The following SMOC2 variants were observed in gnomAD, a reference collection of about 807,000 sequenced individuals.
The protein encoded by SMOC2 is SPARC related modular calcium binding 2.
SMOC2 carries 39 observed loss-of-function variants against 61.4 expected under a neutral mutation model. That is an observed-to-expected ratio of 0.64 (90% confidence interval 0.49 to 0.83). The LOEUF (loss-of-function observed/expected upper bound fraction) is 0.83, where lower values mean the gene tolerates loss of function less well. Ranked by LOEUF, SMOC2 falls within the 40% of genes least tolerant of loss-of-function variation. SMOC2 has a pLI of 0.00. For synonymous variants in SMOC2, 247 were observed against 239.9 expected (o/e 1.03, Z -0.27); for missense variants, 556 against 592.9 (o/e 0.94, Z 0.65).
chr6:168,639,760 C>T (rs1235890674), intron 9 of SMOC2, among the ~76,000 whole-genome samples: 1 of 152,174 alleles, frequency 6.6e-6, no homozygotes, highest in East Asian at 1.9e-4. Context: ...CATAGGAAAG[C>T]GTTTCTCAGA....
intron 8 of SMOC2, among the ~76,000 whole-genome samples, chr6:168,599,307 ACAC>A (rs1290793635): frequency 8.1e-6 from 1 of 124,072 alleles, no homozygotes; most frequent in African/African-American, 3.2e-5. Flanking sequence ...TACCACACAC[ACAC>A]CCCCACACTG....
At chr6:168,551,870 A>AC (rs1784137569) in intron 7 of SMOC2, among the ~76,000 whole-genome samples, 1 of 152,214 alleles carries the variant, frequency 6.6e-6, no homozygotes, top group African/African-American at 2.4e-5. Flanking sequence ...CTCACTTGCC[A>AC]CTTGCAGATT....
At chr6:168,509,199 G>A (rs1782949401) in intron 1 of SMOC2, among the ~76,000 whole-genome samples, 1 of 152,200 alleles carries the variant, frequency 6.6e-6, no homozygotes, top group African/African-American at 2.4e-5. Context: ...GGGAGATGAA[G>A]GGCCTGGGGC....
intron 1 of SMOC2, among the ~76,000 whole-genome samples, chr6:168,502,818 G>A (rs1035471218): frequency 4.6e-5 from 7 of 151,962 alleles, no homozygotes; most frequent in African/African-American, 1.7e-4. Flanking sequence ...CCAGGCTGGA[G>A]TGCAGTGGCA....
chr6:168,642,364 G>A (rs1459330499), intron 9 of SMOC2, among the ~76,000 whole-genome samples: 1 of 152,234 alleles, frequency 6.6e-6, no homozygotes, highest in East Asian at 1.9e-4. Flanking sequence ...TCGGTGACTG[G>A]CACAAGTGTA....
At chr6:168,609,021 G>C (rs1487570471) in intron 9 of SMOC2, among the ~76,000 whole-genome samples, 2 of 152,188 alleles carry the variant, frequency 1.3e-5, no homozygotes, top group African/African-American at 4.8e-5. Context: ...TGGTAGAAAG[G>C]TTTTAAATTG....
intron 1 of SMOC2, among the ~76,000 whole-genome samples, chr6:168,491,529 T>G (rs1246618731): frequency 6.6e-6 from 1 of 152,184 alleles, no homozygotes; most frequent in Non-Finnish European, 1.5e-5. Flanking sequence ...TCAATTCAGC[T>G]GTAAGATCCT....
chr6:168,445,018 C>T (rs1176662848), intron 1 of SMOC2, among the ~76,000 whole-genome samples: 1 of 152,142 alleles, frequency 6.6e-6, no homozygotes, highest in Non-Finnish European at 1.5e-5. Context: ...CTCTTACTGC[C>T]AATACCTAAC....
At chr6:168,666,343 A>G in intron 12 of SMOC2, 78 bp from the exon 13 acceptor site, 1 of 1,576,456 alleles carries the variant, frequency 6.3e-7, no homozygotes, top group Non-Finnish European at 8.7e-7. Context: ...TCATTCCCAG[A>G]AGCCAAGCCT....
chr6:168,583,558 C>G (rs908117052), intron 7 of SMOC2, among the ~76,000 whole-genome samples: 1 of 151,802 alleles, frequency 6.6e-6, no homozygotes, highest in Non-Finnish European at 1.5e-5. Context: ...GGTCTGACCC[C>G]CTGTCTCTCA....
chr6:168,542,335 T>C (rs1448720811), intron 4 of SMOC2, among the ~76,000 whole-genome samples: 1 of 152,160 alleles, frequency 6.6e-6, no homozygotes, highest in East Asian at 1.9e-4. Context: ...GGAAACAATG[T>C]AATATGTAAC....
At chr6:168,614,747 G>A (rs1343020698) in intron 9 of SMOC2, among the ~76,000 whole-genome samples, 11 of 47,888 alleles carry the variant, frequency 2.3e-4, no homozygotes, top group East Asian at 8.3e-4. Context: ...CCAGCACAGG[G>A]CCTCTTCACA....
At chr6:168,466,386 C>T (rs1288598442) in intron 1 of SMOC2, among the ~76,000 whole-genome samples, 1 of 152,240 alleles carries the variant, frequency 6.6e-6, no homozygotes, top group Non-Finnish European at 1.5e-5. Context: ...CTGGATGCCG[C>T]TCCCACAGCT....
intron 7 of SMOC2, among the ~76,000 whole-genome samples, chr6:168,590,238 C>G (rs111942770): frequency 3.3e-3 from 139 of 41,786 alleles, no homozygotes; most frequent in African/African-American, 7.5e-3. Flanking sequence ...CATTAGTTTA[C>G]GGGGCAGCCG....
chr6:168,495,455 A>G (rs190678642), intron 1 of SMOC2, among the ~76,000 whole-genome samples: 405 of 152,230 alleles, frequency 2.7e-3, no homozygotes, highest in Non-Finnish European at 4.4e-3. Flanking sequence ...TTTTAATTCT[A>G]TCTCTTTGTC....
At chr6:168,505,835 TC>T (rs961064482) in intron 1 of SMOC2, among the ~76,000 whole-genome samples, 38 of 152,110 alleles carry the variant, frequency 2.5e-4, no homozygotes, top group African/African-American at 9.2e-4. Flanking sequence ...CTCCCACCTG[TC>T]CCCAGTGACT....
At chr6:168,562,611 A>T (rs1291485534) in intron 7 of SMOC2, among the ~76,000 whole-genome samples, 1 of 152,210 alleles carries the variant, frequency 6.6e-6, no homozygotes, top group Non-Finnish European at 1.5e-5. Flanking sequence ...GGCGAGGGCT[A>T]GATGACCCGC....
At chr6:168,542,840 A>G (rs1049038614) in intron 4 of SMOC2, among the ~76,000 whole-genome samples, 3 of 152,270 alleles carry the variant, frequency 2.0e-5, no homozygotes, top group South Asian at 2.1e-4. Context: ...TATTTCTGTC[A>G]TATGCAAAAT....
intron 4 of SMOC2, among the ~76,000 whole-genome samples, chr6:168,528,233 T>G (rs929827167): frequency 6.6e-6 from 1 of 150,668 alleles, no homozygotes; most frequent in Non-Finnish European, 1.5e-5. Context: ...ATTAGAAGTT[T>G]AAAAATCTGT....
Sources: allele counts gnomAD v4.1 joint callset (sites outside exome capture counted in the v4.1 genomes callset), GRCh38; gene constraint gnomAD v4.1.1; transcripts MANE v1.5; gene names NCBI Gene and HGNC (gene_info 2026-07-23, HGNC 2026-07-21).